The following FBN3 variants were observed in gnomAD, a reference collection of about 807,000 sequenced individuals.
FBN3 encodes the protein fibrillin-3.
Under a neutral mutation model 330.1 loss-of-function variants are expected in FBN3, and 234 were observed. That is an observed-to-expected ratio of 0.71 (90% CI 0.64 to 0.79). FBN3 has a LOEUF of 0.79. Ranked by LOEUF, FBN3 falls within the 30% of genes least tolerant of loss-of-function variation. The probability of loss-of-function intolerance (pLI) is 0.00; values close to 1 mark genes in which losing one functional copy is unlikely to be tolerated. For missense variants in FBN3, 3,606 were observed against 3,886.9 expected, an observed-to-expected ratio of 0.93 and a Z score of 1.92; for synonymous variants, 1,458 against 1,517.3, an observed-to-expected ratio of 0.96 and a Z score of 0.91.
At chr19:8,122,126 G>A (rs2082867050) in intron 24 of FBN3, among the ~76,000 whole-genome samples, 1 of 151,910 alleles carries the variant, frequency 6.6e-6, no homozygotes, top group Non-Finnish European at 1.5e-5. Flanking sequence ...GGGCCTCAAG[G>A]GATCCTTCTA....
rs1406272053 is a variant in FBN3 at position 8,106,119 on chromosome 19, CG to C, written c.4801del (p.Arg1601AlafsTer48). On this transcript the variant is annotated frameshift_variant, in exon 38 of 64. Coordinates refer to ENST00000600128, the MANE Select transcript of FBN3 (RefSeq NM_032447.5). LOFTEE classifies it high-confidence loss of function. ...PPGYHLSEHT[R>X]ICEDIDECST... Reference sequence around the variant, plus strand: ...GAATCCATGCTCACCCTCACAGATGCGGGTGTGCTCACTGAGGTGGTAGCCA... The same window carrying C: ...GAATCCATGCTCACCCTCACAGATGCGGTGTGCTCACTGAGGTGGTAGCCA... The C allele has an allele frequency of 6.2e-7, 1 of 1,613,886 alleles. No homozygotes were observed. The highest frequency in any genetic ancestry group is 1.3e-5 in the African/African-American group (1 of 74,924).
chr19:8,081,186 CT>C lies in FBN3; in HGVS notation c.7337-68del, dbSNP rs1470725465. The C allele has an allele frequency of 2.0e-6, 3 of 1,509,496 alleles. No individual in the cohort carries two copies. In the African/African-American group the frequency reaches 4.1e-5, roughly 21 times the overall value. 93.5% of individuals were successfully genotyped at this position (1,509,496 alleles called of 1,614,324 possible). A position where few individuals can be genotyped will look rare whatever the true frequency, so the allele number is the denominator to read the frequency against. On this transcript the variant is annotated intron_variant, in intron 58 of 63. Coordinates refer to ENST00000600128, the MANE Select transcript of FBN3 (RefSeq NM_032447.5). Reference sequence around the variant, plus strand: ...TGGGGGATTAGGGGCTTCCCAGGGGCTGCCCTTGCCACCTCCAGGCAGAGGG... The same window carrying C: ...TGGGGGATTAGGGGCTTCCCAGGGGCGCCCTTGCCACCTCCAGGCAGAGGG...
intron 13 of FBN3, among the ~76,000 whole-genome samples, chr19:8,133,861 G>A (rs1034430579): frequency 6.6e-6 from 1 of 152,048 alleles, no homozygotes; most frequent in Non-Finnish European, 1.5e-5. Flanking sequence ...TTAATGGAAG[G>A]TGGCAGGGGC....
rs1035861290 is a variant in FBN3 at position 8,121,183 on chromosome 19, C to T, written c.3211+75G>A. The T allele has an allele frequency of 1.9e-4, 270 of 1,389,082 alleles. No individual in the cohort carries two copies. Among genetic ancestry groups the T allele is most frequent in the Non-Finnish European group, 2.5e-4 (252 of 1,018,582 alleles). The allele number at this position is 1,389,082 out of a possible 1,614,324, so 86.0% of individuals were successfully genotyped here. ...CCATCCACGTCCACACAGCAACAGC[C>T]GTCCCCACCCTCCCTCTCCTCAATG... On this transcript the variant is annotated intron_variant, in intron 25 of 63. Coordinates refer to ENST00000600128, the MANE Select transcript of FBN3 (RefSeq NM_032447.5). This position sits in a 1 kb window ranked among gnomAD's most constrained non-coding sequence, Gnocchi z 4.5.
At position 8,086,340 on chromosome 19, in the gene FBN3, G is replaced by A. The variant is rs778497223; in HGVS notation, c.6755-15C>T. ...TTCATTGTCATCTGAGATGGGAGGG[G>A]TGAGGCAGGTGGGCGGGGAGGCCAC... On this transcript the variant is annotated splice_polypyrimidine_tract_variant and intron_variant, in intron 54 of 63. Transcript: ENST00000600128. 1.9e-6 allele frequency: 3 copies of A among 1,584,688 alleles called. No individual in the cohort carries two copies. Among genetic ancestry groups the A allele is most frequent in the Admixed American group, 3.4e-5 (2 of 58,452 alleles).
At chr19:8,108,031 C>T (rs973217525) in intron 37 of FBN3, 139 bp downstream of exon 37, 3 of 628,748 alleles carry the variant, frequency 4.8e-6, no homozygotes, top group Admixed American at 3.4e-5. Flanking sequence ...TAGTGTGGTC[C>T]TGCTGCTCAG....
chr19:8,101,307 T>C (rs1347008138), intron 40 of FBN3, among the ~76,000 whole-genome samples: 1 of 152,098 alleles, frequency 6.6e-6, no homozygotes, highest in Non-Finnish European at 1.5e-5. Context: ...CCACCTAGTT[T>C]GCAGTAATGT....
At chr19:8,141,912 C>A (rs1200955760) in intron 7 of FBN3, 28 bp downstream of exon 7, 2 of 1,613,156 alleles carry the variant, frequency 1.2e-6, no homozygotes, top group Non-Finnish European at 8.5e-7. Flanking sequence ...GCTAAGGCCT[C>A]CCACTCAGCC....
At position 8,075,348 on chromosome 19, in the gene FBN3, G is replaced by A. The variant is rs145316149; in HGVS notation, c.7517C>T (p.Pro2506Leu). The A allele has an allele frequency of 1.7e-4, 274 of 1,614,196 alleles. 1 individual carries two copies. In the East Asian group the frequency reaches 5.4e-3, roughly 32 times the overall value. Reference sequence around the variant, plus strand: ...GTGGCATTCACAGCGGAAGCTGCCCGGGGTGTTGTGGCAGTGCCCGTGGGC... The same window carrying A: ...GTGGCATTCACAGCGGAAGCTGCCCAGGGTGTTGTGGCAGTGCCCGTGGGC... ...CGAHGHCHNT[P>L]GSFRCECHQG... Residue 2506 changes from proline to leucine, a missense_variant, in exon 60 of 64, where the codon CCG (proline) becomes CTG (leucine). Coordinates refer to ENST00000600128, the MANE Select transcript of FBN3 (RefSeq NM_032447.5).
At position 8,109,848 on chromosome 19, in the gene FBN3, G is replaced by A. The variant is rs537763662; in HGVS notation, c.4334-95C>T. 11 of 1,330,726 alleles carry A rather than the reference G, an allele frequency of 8.3e-6. No homozygotes were observed. In the South Asian group the frequency reaches 1.3e-4, roughly 16 times the overall value. The allele number at this position is 1,330,726 out of a possible 1,614,324, so 82.4% of individuals were successfully genotyped here. On this transcript the variant is annotated intron_variant, in intron 34 of 63. Coordinates refer to ENST00000600128, the MANE Select transcript of FBN3 (RefSeq NM_032447.5). The surrounding 1 kb of genome is among the most constrained non-coding windows in gnomAD (Gnocchi z 5.2). ...TGGGAAGCTACAGCCCTCGCTCAAG[G>A]TCAACTCCTGGGCACCAGATTGTGG... is the stretch of plus-strand genomic sequence containing the variant.
rs756267247 is a variant in FBN3 at position 8,111,758 on chromosome 19, C to T, written c.3974G>A (p.Cys1325Tyr). 1.9e-6 allele frequency: 3 copies of T among 1,612,744 alleles called. No homozygotes were observed. The highest frequency in any genetic ancestry group is 1.7e-6 in the Non-Finnish European group (2 of 1,179,074). The change falls in exon 32 of 64, where the codon TGC becomes TAC. Residue 1325 changes from cysteine (C) to tyrosine (Y), a missense_variant. Coordinates refer to ENST00000600128, the MANE Select transcript of FBN3 (RefSeq NM_032447.5). The part of the protein sequence containing the change: ...DGFECHDLDE[C>Y]VSQEHRCSPR... ...GCTGCACCGGTGCTCCTGGGAGACG[C>T]ATTCATCCAGGTCTGCAGGAGATGG...
intron 40 of FBN3, among the ~76,000 whole-genome samples, chr19:8,101,801 A>G (rs2082333305): frequency 6.6e-6 from 1 of 152,090 alleles, no homozygotes; most frequent in Admixed American, 6.6e-5. Flanking sequence ...GGCCTTTCCC[A>G]CCAATGAAAA....
At chr19:8,092,164 C>T (rs1448809859) in intron 47 of FBN3, among the ~76,000 whole-genome samples, 13 of 147,500 alleles carry the variant, frequency 8.8e-5, no homozygotes, top group African/African-American at 1.3e-4. Context: ...GGTGACAGAG[C>T]GAGACTCTGT....
In FBN3 at chr19:8,073,128, G is replaced by C; in HGVS notation, c.7872C>G (p.Ser2624Arg). The change falls in exon 62 of 64, where the codon AGC becomes AGG. Residue 2624 changes from serine (S) to arginine (R), a missense_variant. Ser to Arg is a moderately radical substitution (Grantham distance 110). Coordinates refer to ENST00000600128, the MANE Select transcript of FBN3 (RefSeq NM_032447.5). ...CAGRRGPCSY[S>R]CANTPGGFLC... ...GGAAGCCACCAGGCGTGTTGGCACA[G>C]CTGTAGCTACAGGGGCCACGCCGTC... The C allele has an allele frequency of 6.2e-7, 1 of 1,613,930 alleles. No homozygotes were observed. Among genetic ancestry groups the C allele is most frequent in the Non-Finnish European group, 8.5e-7 (1 of 1,179,966 alleles).
rs141471683 is a variant in FBN3, at chr19:8,136,433, C to T, written c.1300G>A (p.Glu434Lys). The stretch of plus-strand genomic sequence containing the variant: ...TCCTGGGTGTAGCCCACGTTACACT[C>T]GCAGCGGTAGCTGGAAGGCGTGGGC... ...CLPTPSSYRCECNVGYTQDVR... is the reference protein window; with the variant it reads ...CLPTPSSYRCKCNVGYTQDVR... The change falls in exon 11 of 64, where the codon GAG becomes AAG. Residue 434 changes from glutamate (E) to lysine (K), a missense_variant. Coordinates refer to ENST00000600128, the MANE Select transcript of FBN3 (RefSeq NM_032447.5). The T allele has an allele frequency of 1.2e-4, 189 of 1,614,052 alleles. 2 individuals are homozygous for T. The African/African-American group carries it at 1.9e-3, about 17-fold the overall frequency.
chr19:8,111,579 A>G (rs11260057), intron 32 of FBN3, 69 bp downstream of exon 32: 1,210,707 of 1,359,888 alleles, frequency 0.89, 540,679 homozygotes, highest in Non-Finnish European at 0.9. Context: ...TGACCATGGC[A>G]GCCACCGTGA....
chr19:8,141,365 CA>C (rs56688351), intron 8 of FBN3, among the ~76,000 whole-genome samples: 30,060 of 78,942 alleles, frequency 0.38, 3,753 homozygotes, highest in African/African-American at 0.49. Flanking sequence ...GACTCTGTCT[CA>C]AAAAAAAAAA....
At chr19:8,143,774 T>C (rs1329825727) in intron 6 of FBN3, among the ~76,000 whole-genome samples, 1 of 116,694 alleles carries the variant, frequency 8.6e-6, no homozygotes, top group Non-Finnish European at 1.7e-5. Context: ...ATTGCAGGCA[T>C]GAGCCACAGT....
intron 14 of FBN3, among the ~76,000 whole-genome samples, chr19:8,132,097 G>A (rs527666384): frequency 6.6e-6 from 1 of 152,230 alleles, no homozygotes; most frequent in Non-Finnish European, 1.5e-5. Flanking sequence ...CCAGACTGGA[G>A]TGCAGTGGCG....
Sources: gnomAD v4.1 joint callset for allele counts (sites outside exome capture counted in the v4.1 genomes callset) on GRCh38, gnomAD v4.1.1 for gene constraint, Gnocchi (gnomAD v3.1) non-coding constraint, MANE v1.5 for transcripts, NCBI Gene and HGNC (gene_info 2026-07-23, HGNC 2026-07-21) for gene names.